NBPF19: variants seen among roughly 807,000 people sequenced by gnomAD.
NBPF19 encodes NBPF family member NBPF19.
Under a neutral mutation model 45.9 loss-of-function variants are expected in NBPF19, and 30 were observed. The ratio of observed to expected loss-of-function variants is 0.65; its 90% confidence interval spans 0.49 to 0.89. NBPF19 has a LOEUF of 0.89. Ranked by LOEUF, NBPF19 falls within the 40% of genes least tolerant of loss-of-function variation. NBPF19 has a pLI of 0.00. For synonymous variants in NBPF19, 183 were observed against 181.2 expected, an observed-to-expected ratio of 1.01 and a Z score of -0.08; for missense variants, 495 against 471.8, an observed-to-expected ratio of 1.05 and a Z score of -0.46.
At position 149,487,372 on chromosome 1, in the gene NBPF19, A is replaced by C. The variant is rs2085596901; in HGVS notation, c.1029A>C (p.Ala343=). ...WDQVKKEDQE[A]TGPRLSRELL... is the part of the protein sequence containing the mutation. ...AAGTGAAAAAGGAGGACCAAGAGGC[A>C]ACAGGTCCCAGGTGAGTCTGAGAAA... The change falls in exon 9 of 94, where the codon GCA becomes GCC. Residue 343 remains alanine, a synonymous_variant. Coordinates refer to ENST00000651566, the MANE Select transcript of NBPF19 (RefSeq NM_001351365.2). The C allele has an allele frequency of 6.5e-7, 1 of 1,547,988 alleles. No individual in the cohort carries two copies. Among genetic ancestry groups the C allele is most frequent in the African/African-American group, 1.4e-5 (1 of 73,502 alleles).
chr1:149,479,493 C>T (rs1269008598), intron 4 of NBPF19, among the ~76,000 whole-genome samples: 1 of 150,238 alleles, frequency 6.7e-6, no homozygotes, highest in Non-Finnish European at 1.5e-5. Flanking sequence ...GAGTTTCTCT[C>T]TCTCCATCTG....
chr1:149,477,014 T>C (rs1450004655), intron 2 of NBPF19, among the ~76,000 whole-genome samples: 3 of 150,568 alleles, frequency 2.0e-5, no homozygotes, highest in Non-Finnish European at 4.5e-5. Flanking sequence ...GAAGTCCTGC[T>C]TCCTGGTGCA....
chr1:149,478,821 A>G (rs1438431736), intron 3 of NBPF19, 59 bp from the exon 4 acceptor site: 20 of 1,388,532 alleles, frequency 1.4e-5, no homozygotes, highest in Non-Finnish European at 1.9e-5. Context: ...CTGTTGCAAT[A>G]TTTGAACGGA....
chr1:149,528,991 C>T (rs1398661336), intron 61 of NBPF19, among the ~76,000 whole-genome samples, 183 bp from the exon 62 acceptor site: 1 of 129,490 alleles, frequency 7.7e-6, no homozygotes, highest in Non-Finnish European at 1.6e-5. Flanking sequence ...CTGTCTTTCT[C>T]TTTCATTCTT....
rs1427335101 is a variant in NBPF19 at position 149,554,500 on chromosome 1, A to G, written c.11294A>G (p.Asn3765Ser). ...AGTTTTGTCTCCTTTTCCAGGCTCA[A>G]CAGCGTGCTGATGGAAGTGGAAGAG... ...EDQNPPCPRLNSVLMEVEEPE... is the reference protein window; with the variant it reads ...EDQNPPCPRLSSVLMEVEEPE... The change falls in exon 94 of 94, where the codon AAC becomes AGC. Residue 3765 changes from asparagine (N) to serine (S), a missense_variant. Transcript: ENST00000651566. 3.2e-5 allele frequency: 51 copies of G among 1,607,978 alleles called. No individual in the cohort carries two copies. In the South Asian group the frequency reaches 4.3e-4, roughly 14 times the overall value.
At chr1:149,490,898 C>CTGTGTGTG in intron 13 of NBPF19, among the ~76,000 whole-genome samples, 1 of 124,748 alleles carries the variant, frequency 8.0e-6, no homozygotes, top group African/African-American at 3.2e-5. Flanking sequence ...CTCTCTCTCT[C>CTGTGTGTG]TGTGTGTGTG....
rs1207874286 is a variant in NBPF19, at chr1:149,554,919, A to T, written c.*181A>T. 115 of 1,119,330 alleles carry T rather than the reference A, an allele frequency of 1.0e-4. 3 individuals carry two copies. The East Asian group carries it at 2.1e-3, about 20-fold the overall frequency. 69.3% of individuals were successfully genotyped at this position (1,119,330 alleles called of 1,614,324 possible). ...CCTGTGCTCAGTCTGAAGACAATGG[A>T]CCCACGTTAGGTGTGACACGTTCAC... On this transcript the variant is annotated 3_prime_UTR_variant, in exon 94 of 94. Transcript: ENST00000651566.
At position 149,478,013 on chromosome 1, in the gene NBPF19, C is replaced by T; in HGVS notation, c.244C>T (p.Leu82Phe). ...RNERQFKEEK[L>F]AEQLKQAEEL... is the part of the protein sequence containing the mutation. Reference sequence around the variant, plus strand: ...TGAGCGACAGTTCAAGGAGGAGAAGCTTGCAGAGCAGCTGAAGCAAGCTGA... The same window carrying T: ...TGAGCGACAGTTCAAGGAGGAGAAGTTTGCAGAGCAGCTGAAGCAAGCTGA... Residue 82 changes from leucine (L) to phenylalanine (F), a missense_variant, in exon 3 of 94, where the codon CTT becomes TTT. Physicochemically the swap from Leu to Phe is conservative, Grantham distance 22 (BLOSUM62 0). Coordinates refer to ENST00000651566, the MANE Select transcript of NBPF19 (RefSeq NM_001351365.2). The T allele has an allele frequency of 6.5e-7, 1 of 1,544,548 alleles. No individual in the cohort carries two copies. Among genetic ancestry groups the T allele is most frequent in the South Asian group, 1.1e-5 (1 of 90,094 alleles).
At chr1:149,486,390 G>A (rs1383491948) in intron 8 of NBPF19, 97 bp downstream of exon 8, 4 of 660,382 alleles carry the variant, frequency 6.1e-6, no homozygotes, top group Non-Finnish European at 1.1e-5. Flanking sequence ...GCTGAGATTT[G>A]CCATCACCGT....
chr1:149,487,547 T>C (rs1299936696), intron 9 of NBPF19, among the ~76,000 whole-genome samples, 164 bp downstream of exon 9: 1 of 151,052 alleles, frequency 6.6e-6, no homozygotes, highest in Non-Finnish European at 1.5e-5. Flanking sequence ...AATGTTTAGG[T>C]TTCCATTTCT....
At position 149,484,013 on chromosome 1, in the gene NBPF19, T is replaced by G. The variant is rs1391049188; in HGVS notation, c.824+1787T>G. Among the ~76,000 whole-genome samples, 31 of 12,720 alleles carry G rather than the reference T, an allele frequency of 2.4e-3. 1 individual carries two copies. The highest frequency in any genetic ancestry group is 3.7e-3 in the Non-Finnish European group (25 of 6,832). The allele number at this position is 12,720 out of a possible 152,430, so 8.3% of individuals were successfully genotyped here. A position where few individuals can be genotyped will look rare whatever the true frequency, so the allele number is the denominator to read the frequency against. The stretch of plus-strand genomic sequence containing the variant: ...CATTACTGGGTGTATACCCAAAGGA[T>G]TATAAATCATGCTGCTGTAAAGACA... On this transcript the variant is annotated intron_variant, in intron 7 of 93. Coordinates refer to ENST00000651566, the MANE Select transcript of NBPF19 (RefSeq NM_001351365.2).
In NBPF19 at chr1:149,554,531, A is replaced by C. The variant is rs2087196097; in HGVS notation, c.11325A>C (p.Glu3775Asp). ...TGCTGATGGAAGTGGAAGAGCCTGA[A>C]GTCTTACAGGACTCACTGGATGGAT... ...NSVLMEVEEPEVLQDSLDGCY... is the reference protein window; with the variant it reads ...NSVLMEVEEPDVLQDSLDGCY... Residue 3775 changes from glutamate to aspartate, a missense_variant, in exon 94 of 94, where the codon GAA becomes GAC. Around this residue, in one of 8 missense-constraint regions of NBPF19, gnomAD observed 248 missense variants for 95.4 expected, o/e 2.60. Transcript: ENST00000651566. 5.0e-6 allele frequency: 8 copies of C among 1,608,244 alleles called. No homozygotes were observed. The highest frequency in any genetic ancestry group is 1.3e-5 in the African/African-American group (1 of 74,782).
chr1:149,486,140 G>A lies in NBPF19; in HGVS notation c.835G>A (p.Glu279Lys). The change falls in exon 8 of 94, where the codon GAG (glutamate) becomes AAG (lysine). Residue 279 changes from glutamate to lysine, a missense_variant. This residue lies in a region of NBPF19 where 146 missense variants were observed against 67.3 expected (regional missense o/e 2.17). Transcript: ENST00000651566. ...TGCCTGGCTCATCAGGAATCTGCAG[G>A]AGTCTGAAGAGGAGGAAGTCCCCCA... Reference protein sequence around the residue: ...KGPVSPRNLQESEEEEVPQES... With the variant: ...KGPVSPRNLQKSEEEEVPQES... The A allele has an allele frequency of 2.4e-6, 1 of 419,778 alleles. No homozygotes were observed. Among genetic ancestry groups the A allele is most frequent in the Non-Finnish European group, 4.0e-6 (1 of 247,394 alleles). 26.0% of individuals were successfully genotyped at this position (419,778 alleles called of 1,614,324 possible). A position where few individuals can be genotyped will look rare whatever the true frequency, so the allele number is the denominator to read the frequency against.
chr1:149,479,094 G>C lies in NBPF19; in HGVS notation c.493G>C (p.Glu165Gln). The C allele has an allele frequency of 6.5e-7, 1 of 1,528,036 alleles. No homozygotes were observed. Among genetic ancestry groups the C allele is most frequent in the Non-Finnish European group, 9.1e-7 (1 of 1,104,926 alleles). The allele number at this position is 1,528,036 out of a possible 1,614,324, so 94.7% of individuals were successfully genotyped here. A position where few individuals can be genotyped will look rare whatever the true frequency, so the allele number is the denominator to read the frequency against. ...AQHLVQKLSP[E>Q]NDNDDDEDVQ... ...GCACCTTGTCCAAAAGCTCAGCCCA[G>C]GTAAGGTGGCCATAGGCCCTGATGA... The change falls in exon 4 of 94, where the codon GAA becomes CAA. Residue 165 changes from glutamate (E) to glutamine (Q), a missense_variant and splice_region_variant. Physicochemically the swap from Glu to Gln is conservative, Grantham distance 29 (BLOSUM62 2). Transcript: ENST00000651566.
At chr1:149,483,319 T>G (rs59379555) in intron 7 of NBPF19, among the ~76,000 whole-genome samples, 1 of 106,320 alleles carries the variant, frequency 9.4e-6, no homozygotes, top group Non-Finnish European at 2.0e-5. Flanking sequence ...TTTGTTGGTT[T>G]AAAGTCTGTT....
chr1:149,554,851 T>G lies in NBPF19; in HGVS notation c.*113T>G. ...GAAGCCCAGACATAGGATGGGTCAGTGGGCATGGCTCTTTTCCTATTCTCA... is the reference window on the plus strand; with the variant it reads ...GAAGCCCAGACATAGGATGGGTCAGGGGGCATGGCTCTTTTCCTATTCTCA... On this transcript the variant is annotated 3_prime_UTR_variant, in exon 94 of 94. Coordinates refer to ENST00000651566, the MANE Select transcript of NBPF19 (RefSeq NM_001351365.2). 1 of 1,548,830 alleles carries G rather than the reference T, an allele frequency of 6.5e-7. No individual in the cohort carries two copies. The highest frequency in any genetic ancestry group is 8.8e-7 in the Non-Finnish European group (1 of 1,137,834).
In NBPF19 at chr1:149,483,930, G is replaced by T. The variant is rs1216634830; in HGVS notation, c.824+1704G>T. On this transcript the variant is annotated intron_variant, in intron 7 of 93. Coordinates refer to ENST00000651566, the MANE Select transcript of NBPF19 (RefSeq NM_001351365.2). ...TAAACTAGTTCAACGATTGTGGAAGGCAGTGTGGCAATTCCTCAGGGATCT... is the reference window on the plus strand; with the variant it reads ...TAAACTAGTTCAACGATTGTGGAAGTCAGTGTGGCAATTCCTCAGGGATCT... Among the ~76,000 whole-genome samples the T allele has an allele frequency of 1.0e-4, 2 of 19,174 alleles. 1 individual carries two copies. The allele number at this position is 19,174 out of a possible 152,430, so 12.6% of individuals were successfully genotyped here. A position where few individuals can be genotyped will look rare whatever the true frequency, so the allele number is the denominator to read the frequency against.
chr1:149,494,112 C>G (rs1415217755), intron 17 of NBPF19, among the ~76,000 whole-genome samples: 2 of 135,788 alleles, frequency 1.5e-5, no homozygotes, highest in Admixed American at 7.3e-5. Context: ...CTCTCTCTCT[C>G]TCTCTCCCTC....
At position 149,554,585 on chromosome 1, in the gene NBPF19, A is replaced by T; in HGVS notation, c.11379A>T (p.Glu3793Asp). Residue 3793 changes from glutamate (E) to aspartate (D), a missense_variant, in exon 94 of 94, where the codon GAA (glutamate) becomes GAT (aspartate). Physicochemically the swap from Glu to Asp is conservative, Grantham distance 45 (BLOSUM62 2). Transcript: ENST00000651566. ...ATTCGACTCCGTCAATGTACTTTGA[A>T]CTACCTGACTCATTCCAGCACTACA... The part of the protein sequence containing the change: ...GCYSTPSMYF[E>D]LPDSFQHYRS... The T allele has an allele frequency of 6.2e-7, 1 of 1,608,226 alleles. No individual in the cohort carries two copies. Among genetic ancestry groups the T allele is most frequent in the Non-Finnish European group, 8.5e-7 (1 of 1,176,748 alleles).
Sources: gnomAD v4.1 joint callset for allele counts (sites outside exome capture counted in the v4.1 genomes callset) on GRCh38, gnomAD v4.1.1 for gene constraint, gnomAD v4.1.1 regional missense constraint, MANE v1.5 for transcripts, NCBI Gene and HGNC (gene_info 2026-07-23, HGNC 2026-07-21) for gene names.